EPHA5: variants seen among roughly 807,000 people sequenced by gnomAD.
EPHA5 encodes ephrin type-A receptor 5.
Under a neutral mutation model 105.0 loss-of-function variants are expected in EPHA5, and 60 were observed. The observed-to-expected ratio is 0.57, with a 90% CI of 0.46 to 0.71. The LOEUF (loss-of-function observed/expected upper bound fraction) is 0.71. Among genes scored for constraint, EPHA5 ranks in the 30% least tolerant of loss-of-function variants. EPHA5 has a pLI of 0.00. For synonymous variants in EPHA5, 513 were observed against 449.1 expected, an observed-to-expected ratio of 1.14 and a Z score of -1.80; for missense variants, 1,218 against 1,274.7, an observed-to-expected ratio of 0.96 and a Z score of 0.68.
At chr4:65,381,556 A>G (rs1719564643) in intron 8 of EPHA5, among the ~76,000 whole-genome samples, 6 of 152,008 alleles carry the variant, frequency 3.9e-5, no homozygotes, top group South Asian at 4.1e-4. Flanking sequence ...ATTTAAACAC[A>G]TAGCTAATAT....
At chr4:65,381,462 C>CA (rs1001580769) in intron 8 of EPHA5, among the ~76,000 whole-genome samples, 6 of 150,542 alleles carry the variant, frequency 4.0e-5, no homozygotes, top group South Asian at 2.1e-4. Context: ...TTTATAATTT[C>CA]AAAAAAAATT....
chr4:65,507,122 G>C lies in EPHA5; in HGVS notation c.911-11579C>G, dbSNP rs561795456. 3.9e-5 allele frequency among the ~76,000 whole-genome samples: 6 copies of C among 152,194 alleles called. No individual in the cohort carries two copies. In the East Asian group the frequency reaches 7.7e-4, roughly 20 times the overall value. ...TTCCCAGCACCATTTATTAAATAGG[G>C]AATCCTTTCCCCATTGCTTGGTTTT... On this transcript the variant is annotated intron_variant, in intron 3 of 16. Coordinates refer to ENST00000613740, the MANE Select transcript of EPHA5 (RefSeq NM_001281766.3).
intron 2 of EPHA5, among the ~76,000 whole-genome samples, chr4:65,626,308 A>G (rs1404284866): frequency 2.6e-5 from 4 of 152,334 alleles, no homozygotes; most frequent in Admixed American, 2.0e-4. Flanking sequence ...TTTAGTTGTT[A>G]TAAGTACTGT....
At chr4:65,491,385 T>C (rs956586691) in intron 4 of EPHA5, among the ~76,000 whole-genome samples, 5 of 152,010 alleles carry the variant, frequency 3.3e-5, no homozygotes, top group African/African-American at 9.7e-5. Flanking sequence ...TTTTATTTAA[T>C]TGAAAATCTA....
rs551436483 is a variant in EPHA5 at position 65,330,801 on chromosome 4, G to A, written c.2945+1172C>T. On this transcript the variant is annotated intron_variant, in intron 16 of 16. Transcript: ENST00000613740. ...AGTGTCCAAAGAAATAATGGACAAA[G>A]CATATGTGTTATCAAGTAGATATGA... 2.0e-3 allele frequency: 2,067 copies of A among 1,028,360 alleles called. 5 individuals are homozygous for A. The highest frequency in any genetic ancestry group is 2.3e-3 in the Non-Finnish European group (1,936 of 855,734). 63.7% of individuals were successfully genotyped at this position (1,028,360 alleles called of 1,614,324 possible). A position where few individuals can be genotyped will look rare whatever the true frequency, so the allele number is the denominator to read the frequency against.
chr4:65,431,512 T>C (rs1472000192), intron 5 of EPHA5, among the ~76,000 whole-genome samples: 3 of 152,014 alleles, frequency 2.0e-5, no homozygotes, highest in African/African-American at 7.2e-5. Flanking sequence ...ACTCAAAACA[T>C]CTCTTTCTCC....
chr4:65,443,912 T>G (rs901498957), intron 5 of EPHA5, among the ~76,000 whole-genome samples: 1 of 151,570 alleles, frequency 6.6e-6, no homozygotes, highest in Admixed American at 6.6e-5. Context: ...TGCCTGTGTG[T>G]GTGTGTGTGT....
intron 13 of EPHA5, among the ~76,000 whole-genome samples, chr4:65,349,299 T>C (rs1722595073): frequency 6.6e-6 from 1 of 151,460 alleles, no homozygotes; most frequent in South Asian, 2.1e-4. Flanking sequence ...TGGGGGAAAA[T>C]CTTACTACAT....
intron 3 of EPHA5, among the ~76,000 whole-genome samples, chr4:65,571,108 A>T (rs143980747): frequency 2.5e-3 from 375 of 152,114 alleles, no homozygotes; most frequent in African/African-American, 8.7e-3. Flanking sequence ...AAACTCAGAA[A>T]ATATAAAAGT....
At chr4:65,506,378 C>A (rs1733025935) in intron 3 of EPHA5, among the ~76,000 whole-genome samples, 1 of 146,476 alleles carries the variant, frequency 6.8e-6, no homozygotes. Flanking sequence ...AATGGGATGG[C>A]TGGGTCAAAT....
chr4:65,380,639 G>A (rs181088218), intron 8 of EPHA5, among the ~76,000 whole-genome samples: 17 of 151,850 alleles, frequency 1.1e-4, no homozygotes, highest in Non-Finnish European at 2.2e-4. Flanking sequence ...CACAAAAGAA[G>A]TACTTGAATT....
At chr4:65,514,030 T>C (rs373507281) in intron 3 of EPHA5, among the ~76,000 whole-genome samples, 18 of 152,260 alleles carry the variant, frequency 1.2e-4, no homozygotes, top group African/African-American at 4.1e-4. Context: ...CTTTTTTTCA[T>C]ATTCTCTTTA....
Position 65,670,129 on chromosome 4 carries a change from T to C in EPHA5, c.-387A>G, listed in dbSNP as rs1750333646. The C allele has an allele frequency of 7.3e-6, 2 of 272,318 alleles. No individual in the cohort carries two copies. Among genetic ancestry groups the C allele is most frequent in the Non-Finnish European group, 1.4e-5 (2 of 145,604 alleles). 16.9% of individuals were successfully genotyped at this position (272,318 alleles called of 1,614,324 possible). The stretch of plus-strand genomic sequence containing the variant: ...TTCTTTGCAGCCTTCAGTGTTGAAA[T>C]GGACGAAGGTAAGGAAGGCAAATCA... On this transcript the variant is annotated 5_prime_UTR_variant, in exon 1 of 17. Coordinates refer to ENST00000613740, the MANE Select transcript of EPHA5 (RefSeq NM_001281766.3).
At chr4:65,383,956 A>AT (rs142503180) in intron 8 of EPHA5, among the ~76,000 whole-genome samples, 3 of 152,024 alleles carry the variant, frequency 2.0e-5, no homozygotes, top group African/African-American at 7.2e-5. Flanking sequence ...GAAAAATATA[A>AT]TTTTTTTAAA....
At chr4:65,574,249 C>T in intron 3 of EPHA5, 2 of 1,596,512 alleles carry the variant, frequency 1.3e-6, no homozygotes, top group Admixed American at 1.7e-5. Flanking sequence ...AAAATCAAAG[C>T]TATTCCTCAG....
At chr4:65,643,493 A>T in intron 1 of EPHA5, 66 bp from the exon 2 acceptor site, 1 of 1,318,046 alleles carries the variant, frequency 7.6e-7, no homozygotes, top group Non-Finnish European at 1.1e-6. Context: ...TCTCTATTTT[A>T]ATAGTGTTAT....
intron 3 of EPHA5, among the ~76,000 whole-genome samples, chr4:65,547,943 C>T (rs1348699396): frequency 6.6e-6 from 1 of 151,986 alleles, no homozygotes; most frequent in Non-Finnish European, 1.5e-5. Flanking sequence ...TCCAAGACTA[C>T]TAGTACTATA....
At chr4:65,379,428 T>C (rs1249458897) in intron 8 of EPHA5, among the ~76,000 whole-genome samples, 1 of 151,808 alleles carries the variant, frequency 6.6e-6, no homozygotes, top group African/African-American at 2.4e-5. Context: ...TTTATACTTC[T>C]ATTTTATTGT....
intron 15 of EPHA5, among the ~76,000 whole-genome samples, chr4:65,334,731 A>C (rs1360713556): frequency 6.6e-6 from 1 of 152,106 alleles, no homozygotes; most frequent in Admixed American, 6.6e-5. Flanking sequence ...GAAATAAGAA[A>C]ATTATTTAGA....
Sources: allele counts gnomAD v4.1 joint callset (sites outside exome capture counted in the v4.1 genomes callset), GRCh38; gene constraint gnomAD v4.1.1; transcripts MANE v1.5; gene names NCBI Gene and HGNC (gene_info 2026-07-23, HGNC 2026-07-21).